The following TFDP2 variants were observed in gnomAD, a reference collection of about 807,000 sequenced individuals.
TFDP2 encodes transcription factor Dp-2 (E2F dimerization partner 2).
A neutral mutation model predicts 59.3 loss-of-function variants in TFDP2; 17 were observed. The ratio of observed to expected loss-of-function variants is 0.29; its 90% CI spans 0.20 to 0.43. The LOEUF is 0.43. Among genes scored for constraint, TFDP2 ranks in the 20% least tolerant of loss-of-function variants. The pLI is 1.00. For missense variants in TFDP2, 391 were observed against 528.8 expected (o/e 0.74, Z 2.56); for synonymous variants, 180 against 194.7 (o/e 0.92, Z 0.63).
chr3:142,117,339 A>G (rs1230019361), intron 1 of TFDP2, among the ~76,000 whole-genome samples: 1 of 152,040 alleles, frequency 6.6e-6, no homozygotes, highest in Non-Finnish European at 1.5e-5. Context: ...TTTAAAACCC[A>G]CAAAGGATCT....
At chr3:142,129,829 T>A (rs779735813) in intron 1 of TFDP2, among the ~76,000 whole-genome samples, 1 of 151,958 alleles carries the variant, frequency 6.6e-6, no homozygotes, top group African/African-American at 2.4e-5. Flanking sequence ...CAAAGAAGCA[T>A]GTGAAAAGAT....
In TFDP2 at chr3:142,094,292, A is replaced by C. The variant is rs564756587; in HGVS notation, c.16-1165T>G. Among the ~76,000 whole-genome samples the C allele has an allele frequency of 4.7e-5, 7 of 149,950 alleles. No homozygotes were observed. In the South Asian group the frequency reaches 1.5e-3, roughly 32 times the overall value. ...TAACATCACAAGTTTGTGGTATGAT[A>C]CCTCAAACTGTACTTTTTTTTTTTT... is the stretch of plus-strand genomic sequence containing the variant. On this transcript the variant is annotated intron_variant, in intron 2 of 12. Coordinates refer to ENST00000489671, the MANE Select transcript of TFDP2 (RefSeq NM_001178139.2).
chr3:142,084,006 G>A (rs995829118), intron 3 of TFDP2, among the ~76,000 whole-genome samples: 53 of 152,170 alleles, frequency 3.5e-4, no homozygotes, highest in Middle Eastern at 3.4e-3. Flanking sequence ...GGACAAATGC[G>A]AACATACCAA....
chr3:141,980,290 T>C (rs1406712268), intron 6 of TFDP2, among the ~76,000 whole-genome samples: 1 of 150,450 alleles, frequency 6.6e-6, no homozygotes, highest in Admixed American at 6.6e-5. Context: ...AAAAAGCTTA[T>C]GGAATAAGGA....
chr3:142,020,943 C>T (rs528257547), intron 3 of TFDP2, among the ~76,000 whole-genome samples: 1 of 152,000 alleles, frequency 6.6e-6, no homozygotes, highest in East Asian at 1.9e-4. Context: ...TGTGTTCATG[C>T]CACTGCACTC....
chr3:142,071,062 A>G (rs571561085), intron 3 of TFDP2, among the ~76,000 whole-genome samples: 11 of 152,318 alleles, frequency 7.2e-5, no homozygotes, highest in African/African-American at 2.4e-4. Flanking sequence ...AATAAGACAG[A>G]GAAAAGAGAA....
At chr3:141,990,931 G>A (rs1162518385) in intron 6 of TFDP2, among the ~76,000 whole-genome samples, 3 of 152,056 alleles carry the variant, frequency 2.0e-5, no homozygotes, top group South Asian at 2.1e-4. Context: ...GGTGGCACAC[G>A]CCTGTAATCC....
At chr3:142,100,115 G>A (rs1029565954) in intron 2 of TFDP2, among the ~76,000 whole-genome samples, 2 of 152,180 alleles carry the variant, frequency 1.3e-5, no homozygotes, top group African/African-American at 2.4e-5. Flanking sequence ...AATGCAATAA[G>A]GATTTGTTTG....
At chr3:142,000,543 T>C (rs1181793307) in intron 4 of TFDP2, among the ~76,000 whole-genome samples, 3 of 152,200 alleles carry the variant, frequency 2.0e-5, no homozygotes, top group Non-Finnish European at 4.4e-5. Context: ...AGCATCCAGT[T>C]CCTGGCCCTC....
intron 6 of TFDP2, among the ~76,000 whole-genome samples, chr3:141,982,104 G>A (rs1023401883): frequency 6.6e-5 from 10 of 152,038 alleles, no homozygotes; most frequent in Admixed American, 1.3e-4. Context: ...GAGATATGTC[G>A]TAAGTTTAAC....
At position 141,994,798 on chromosome 3, in the gene TFDP2, GGTTTA is replaced by G. The variant is rs1222335969; in HGVS notation, c.308+217_308+221del. On this transcript the variant is annotated intron_variant, in intron 5 of 12. Transcript: ENST00000489671. Reference sequence around the variant, plus strand: ...TATTCCAGAGTTTAAAAAGTCACAGGGTTTAGTTATGAGTTATTGCACTGTTTTTT... The same window carrying G: ...TATTCCAGAGTTTAAAAAGTCACAGGGTTATGAGTTATTGCACTGTTTTTT... 6.6e-5 allele frequency: 24 copies of G among 365,660 alleles called. No individual in the cohort carries two copies. In the East Asian group the frequency reaches 9.3e-4, roughly 14 times the overall value. 22.7% of individuals were successfully genotyped at this position (365,660 alleles called of 1,614,324 possible).
intron 3 of TFDP2, among the ~76,000 whole-genome samples, chr3:142,025,185 C>T (rs1560054570): frequency 6.6e-6 from 1 of 152,068 alleles, no homozygotes; most frequent in South Asian, 2.1e-4. Flanking sequence ...TTCCAGGTAA[C>T]AAACTTGAAT....
At chr3:141,962,887 G>C (rs1438662281) in intron 10 of TFDP2, among the ~76,000 whole-genome samples, 3 of 152,136 alleles carry the variant, frequency 2.0e-5, no homozygotes, top group Non-Finnish European at 4.4e-5. Flanking sequence ...GTCTTCTTTT[G>C]CATTAATAAA....
In TFDP2 at chr3:141,945,814, C is replaced by T. The variant is rs936152808; in HGVS notation, c.*6699G>A. The stretch of plus-strand genomic sequence containing the variant: ...CAAGGGATGAGTTTTTAAATCCAAA[C>T]GTGATCTGGGGAATTTTCCGTTATG... On this transcript the variant is annotated 3_prime_UTR_variant, in exon 13 of 13. Coordinates refer to ENST00000489671, the MANE Select transcript of TFDP2 (RefSeq NM_001178139.2). The T allele has an allele frequency of 1.3e-5, 2 of 152,206 alleles. No individual in the cohort carries two copies. Among genetic ancestry groups the T allele is most frequent in the South Asian group, 2.1e-4 (1 of 4,838 alleles). 9.4% of individuals were successfully genotyped at this position (152,206 alleles called of 1,614,324 possible).
chr3:141,949,280 A>G lies in TFDP2; in HGVS notation c.*3233T>C, dbSNP rs1452185117. The G allele has an allele frequency of 6.6e-6, 1 of 152,126 alleles. No individual in the cohort carries two copies. Among genetic ancestry groups the G allele is most frequent in the East Asian group, 1.9e-4 (1 of 5,190 alleles). 9.4% of individuals were successfully genotyped at this position (152,126 alleles called of 1,614,324 possible). The stretch of plus-strand genomic sequence containing the variant: ...CTTTTTCTTCCCAGCACTTCTTTAA[A>G]GAATTAAATTGAAGGACGCCAAACT... On this transcript the variant is annotated 3_prime_UTR_variant, in exon 13 of 13. Coordinates refer to ENST00000489671, the MANE Select transcript of TFDP2 (RefSeq NM_001178139.2).
In TFDP2 at chr3:141,958,500, G is replaced by C. The variant is rs145835351; in HGVS notation, c.1051+1174C>G. 3.5e-3 allele frequency among the ~76,000 whole-genome samples: 539 copies of C among 152,174 alleles called. 3 individuals carry two copies. Among genetic ancestry groups the C allele is most frequent in the African/African-American group, 0.012 (495 of 41,520 alleles). ...GGTTTATCTCTAAAGAAATGCAAGTGAATGACAATGAAATGTAAGAGAATG... is the reference window on the plus strand; with the variant it reads ...GGTTTATCTCTAAAGAAATGCAAGTCAATGACAATGAAATGTAAGAGAATG... On this transcript the variant is annotated intron_variant, in intron 11 of 12. Coordinates refer to ENST00000489671, the MANE Select transcript of TFDP2 (RefSeq NM_001178139.2).
intron 10 of TFDP2, among the ~76,000 whole-genome samples, chr3:141,962,238 C>A (rs1351650468): frequency 6.6e-6 from 1 of 152,066 alleles, no homozygotes; most frequent in Non-Finnish European, 1.5e-5. Context: ...GCCAACACGC[C>A]CGGCCAAGAA....
In TFDP2 at chr3:141,966,479, GT is replaced by G. The variant is rs923679632; in HGVS notation, c.733-2517del. Among the ~76,000 whole-genome samples the G allele has an allele frequency of 7.7e-4, 117 of 151,554 alleles. 2 individuals carry two copies. The highest frequency in any genetic ancestry group is 2.7e-3 in the African/African-American group (113 of 41,154). On this transcript the variant is annotated intron_variant, in intron 9 of 12. Coordinates refer to ENST00000489671, the MANE Select transcript of TFDP2 (RefSeq NM_001178139.2). ...AGCCACTGCACCTGGTCATAATAATGTTTTTTTTAACACTGTCACAAATTTC... is the reference window on the plus strand; with the variant it reads ...AGCCACTGCACCTGGTCATAATAATGTTTTTTTAACACTGTCACAAATTTC...
At chr3:142,073,979 T>C (rs1293984807) in intron 3 of TFDP2, among the ~76,000 whole-genome samples, 1 of 152,082 alleles carries the variant, frequency 6.6e-6, no homozygotes. Context: ...GAGCCCTAAA[T>C]AGCAAAACAA....
Sources: allele counts gnomAD v4.1 joint callset (sites outside exome capture counted in the v4.1 genomes callset), GRCh38; gene constraint gnomAD v4.1.1; transcripts MANE v1.5; gene names NCBI Gene and HGNC (gene_info 2026-07-23, HGNC 2026-07-21).